CFAP161: variants seen among roughly 807,000 people sequenced by gnomAD.
CFAP161 encodes the protein cilia- and flagella-associated protein 161.
Under a neutral mutation model 29.0 loss-of-function variants are expected in CFAP161, and 25 were observed. The ratio of observed to expected loss-of-function variants is 0.86; its 90% CI spans 0.63 to 1.20. CFAP161 has a LOEUF of 1.20. Ranked by LOEUF, CFAP161 falls within the 50% of genes most tolerant of loss-of-function variation. The pLI, the probability that CFAP161 is intolerant of heterozygous loss-of-function variation, is 0.00. For missense variants in CFAP161, 367 were observed against 371.9 expected, an observed-to-expected ratio of 0.99 and a Z score of 0.11; for synonymous variants, 116 against 137.4, an observed-to-expected ratio of 0.84 and a Z score of 1.09.
intron 5 of CFAP161, among the ~76,000 whole-genome samples, chr15:81,144,605 AAATAAATG>A (rs1186305080): frequency 2.6e-5 from 4 of 151,886 alleles, no homozygotes; most frequent in African/African-American, 9.7e-5. Flanking sequence ...CAAAATAAAT[AAATAAATG>A]AATAAATGAA....
At chr15:81,142,562 C>A (rs1894929497) in intron 4 of CFAP161, among the ~76,000 whole-genome samples, 2 of 152,178 alleles carry the variant, frequency 1.3e-5, no homozygotes, top group South Asian at 4.1e-4. Context: ...CAGCTCATTG[C>A]AAATCTGCTG....
At chr15:81,114,697 T>A (rs1894475307) in intron 1 of CFAP161, among the ~76,000 whole-genome samples, 1 of 152,208 alleles carries the variant, frequency 6.6e-6, no homozygotes, top group Non-Finnish European at 1.5e-5. Context: ...GGAGTCTCGC[T>A]CTGTCGCCCA....
intron 4 of CFAP161, among the ~76,000 whole-genome samples, chr15:81,143,154 T>TA (rs1300951962): frequency 4.0e-5 from 6 of 149,410 alleles, no homozygotes; most frequent in South Asian, 2.1e-4. Flanking sequence ...CTACAACAAA[T>TA]AAAAAAAAAT....
At chr15:81,133,086 C>T (rs1429918778), upstream of CFAP161, among the ~76,000 whole-genome samples, 2 of 150,318 alleles carry the variant, frequency 1.3e-5, no homozygotes, top group African/African-American at 2.4e-5. Flanking sequence ...CCAAAGCAGC[C>T]CCTCTCCCAT....
chr15:81,100,269 A>G (rs1265745166), intron 1 of CFAP161, among the ~76,000 whole-genome samples: 1 of 63,552 alleles, frequency 1.6e-5, no homozygotes, highest in African/African-American at 3.1e-5. Flanking sequence ...CTTAGTTCTA[A>G]GTTTAAATTA....
intron 4 of CFAP161, among the ~76,000 whole-genome samples, chr15:81,139,790 A>G (rs1398920633): frequency 6.6e-6 from 1 of 152,210 alleles, no homozygotes. Context: ...GTCAAAGAAT[A>G]TGAACACATT....
At chr15:81,115,197 A>G (rs1894482397) in intron 1 of CFAP161, among the ~76,000 whole-genome samples, 1 of 152,010 alleles carries the variant, frequency 6.6e-6, no homozygotes. Flanking sequence ...CTCTGGCTCT[A>G]CTTGTCAGGG....
At chr15:81,124,842 G>T (rs1458874879) in intron 1 of CFAP161, among the ~76,000 whole-genome samples, 1 of 151,866 alleles carries the variant, frequency 6.6e-6, no homozygotes, top group African/African-American at 2.4e-5. Context: ...ATTTCTGTGG[G>T]GTCAGTGGTA....
chr15:81,102,195 G>C (rs1894311632), intron 1 of CFAP161, among the ~76,000 whole-genome samples: 1 of 152,210 alleles, frequency 6.6e-6, no homozygotes, highest in Non-Finnish European at 1.5e-5. Flanking sequence ...ACAAGGAGAG[G>C]ATCAGGAAAA....
intron 1 of CFAP161, among the ~76,000 whole-genome samples, chr15:81,115,849 A>ATTTTT (rs59925511): frequency 0.079 from 10,929 of 138,576 alleles, 858 homozygotes; most frequent in African/African-American, 0.21. Context: ...TAGCTAATTA[A>ATTTTT]TTTTTTTTTT....
chr15:81,129,451 A>G (rs1848707), upstream of CFAP161, among the ~76,000 whole-genome samples: 81,981 of 151,974 alleles, frequency 0.54, 23,031 homozygotes, highest in Middle Eastern at 0.66. Flanking sequence ...AGACAAGAGA[A>G]AAAAGAGCTA....
chr15:81,147,321 G>A (rs1895025817), intron 5 of CFAP161, among the ~76,000 whole-genome samples: 1 of 151,430 alleles, frequency 6.6e-6, no homozygotes, highest in Non-Finnish European at 1.5e-5. Context: ...TTTAAATATT[G>A]AGGTCCCCGG....
chr15:81,130,263 GT>G (rs1193326481), upstream of CFAP161, among the ~76,000 whole-genome samples: 1 of 152,120 alleles, frequency 6.6e-6, no homozygotes, highest in Non-Finnish European at 1.5e-5. Flanking sequence ...TATCATTTGT[GT>G]TTTCATTGGA....
At chr15:81,130,967 T>A (rs570982722), upstream of CFAP161, among the ~76,000 whole-genome samples, 14 of 151,930 alleles carry the variant, frequency 9.2e-5, no homozygotes, top group South Asian at 2.5e-3. Flanking sequence ...AATGGCAACA[T>A]CAAAAATCAC....
chr15:81,122,439 TTGA>T (rs1159696625), intron 1 of CFAP161, among the ~76,000 whole-genome samples: 1 of 152,082 alleles, frequency 6.6e-6, no homozygotes, highest in Non-Finnish European at 1.5e-5. Flanking sequence ...CATTGTGGTG[TTGA>T]TTTGCACTTC....
chr15:81,145,143 A>G (rs1194233274), intron 5 of CFAP161, among the ~76,000 whole-genome samples: 1 of 152,228 alleles, frequency 6.6e-6, no homozygotes. Flanking sequence ...AAGTGGCCGC[A>G]GTTGCAGGCC....
At chr15:81,122,831 A>G (rs1894592693) in intron 1 of CFAP161, among the ~76,000 whole-genome samples, 1 of 151,836 alleles carries the variant, frequency 6.6e-6, no homozygotes, top group Non-Finnish European at 1.5e-5. Flanking sequence ...CCTGATGTAT[A>G]TCTTCTTTTG....
At chr15:81,104,470 T>C (rs920666215) in intron 1 of CFAP161, among the ~76,000 whole-genome samples, 12 of 152,136 alleles carry the variant, frequency 7.9e-5, no homozygotes, top group Admixed American at 2.0e-4. Flanking sequence ...CAGCAAGTAT[T>C]CCACAAGGAG....
intron 5 of CFAP161, 85 bp from the exon 6 acceptor site, chr15:81,147,773 A>T (rs919037434): frequency 3.4e-6 from 3 of 872,444 alleles, no homozygotes; most frequent in Non-Finnish European, 5.2e-6. Flanking sequence ...ATAATCCCAA[A>T]TTTTTGCTTT....
Sources: gnomAD v4.1 joint callset for allele counts (sites outside exome capture counted in the v4.1 genomes callset) on GRCh38, gnomAD v4.1.1 for gene constraint, MANE v1.5 for transcripts, NCBI Gene and HGNC (gene_info 2026-07-23, HGNC 2026-07-21) for gene names.